Variants in PARD3B observed in about 807,000 individuals in gnomAD.
The protein encoded by PARD3B is partitioning defective 3 homolog B.
Under a neutral mutation model 130.2 loss-of-function variants are expected in PARD3B, and 103 were observed. That is an observed-to-expected ratio of 0.79 (90% CI 0.67 to 0.93). PARD3B has a LOEUF of 0.93. Ranked by LOEUF, PARD3B falls within the 40% of genes least tolerant of loss-of-function variation. The pLI is 0.00. For synonymous variants in PARD3B, 583 were observed against 553.2 expected (o/e 1.05, Z -0.76); for missense variants, 1,609 against 1,499.2 (o/e 1.07, Z -1.21).
intron 3 of PARD3B, among the ~76,000 whole-genome samples, chr2:205,041,698 T>A (rs542742295): frequency 1.3e-5 from 2 of 152,218 alleles, no homozygotes; most frequent in South Asian, 4.2e-4. Flanking sequence ...GCTGGCCTTC[T>A]GGTTATGCTC....
chr2:204,951,406 T>A (rs1297333631), intron 2 of PARD3B, among the ~76,000 whole-genome samples: 1 of 152,168 alleles, frequency 6.6e-6, no homozygotes, highest in Non-Finnish European at 1.5e-5. Flanking sequence ...GAACAGTACC[T>A]AAAATCGTCC....
Position 205,381,146 on chromosome 2 carries a change from T to TATATAATATATATAAAGAATATATA in PARD3B, c.2631-19862_2631-19861insATATATATAAAGAATATATAATATA, listed in dbSNP as rs1559035950. On this transcript the variant is annotated intron_variant, in intron 18 of 22. Transcript: ENST00000406610. The stretch of plus-strand genomic sequence containing the variant: ...TATATTATATATAAAGAATATATAA[T>TATATAATATATATAAAGAATATATA]ATATATAATATATATAAAGAATATA... Among the ~76,000 whole-genome samples, 14 of 27,880 alleles carry TATATAATATATATAAAGAATATATA rather than the reference T, an allele frequency of 5.0e-4. 1 individual carries two copies. In the East Asian group the frequency reaches 0.011, roughly 21 times the overall value. 18.3% of individuals were successfully genotyped at this position (27,880 alleles called of 152,430 possible). A position where few individuals can be genotyped will look rare whatever the true frequency, so the allele number is the denominator to read the frequency against.
At position 205,524,499 on chromosome 2, in the gene PARD3B, GA is replaced by G. The variant is rs1323777483; in HGVS notation, c.3180+24469del. 3.3e-5 allele frequency among the ~76,000 whole-genome samples: 5 copies of G among 152,168 alleles called. No homozygotes were observed. The East Asian group carries it at 9.6e-4, about 29-fold the overall frequency. ...TTTTGCTGAAATCACTGGATAAGGG[GA>G]GAGCTTTCTATGCCCTGACTTCTTT... On this transcript the variant is annotated intron_variant, in intron 21 of 22. Transcript: ENST00000406610.
intron 22 of PARD3B, among the ~76,000 whole-genome samples, chr2:205,581,213 G>C (rs1021990270): frequency 7.6e-6 from 1 of 131,930 alleles, no homozygotes; most frequent in Non-Finnish European, 1.7e-5. Flanking sequence ...AATGGATAAA[G>C]AGAATGTGGG....
At chr2:205,089,752 A>G (rs983816144) in intron 4 of PARD3B, among the ~76,000 whole-genome samples, 3 of 152,180 alleles carry the variant, frequency 2.0e-5, no homozygotes, top group South Asian at 2.1e-4. Flanking sequence ...TATCCAGTGG[A>G]TGTCCTAACC....
intron 21 of PARD3B, among the ~76,000 whole-genome samples, chr2:205,540,099 G>A (rs372529618): frequency 1.3e-4 from 20 of 152,094 alleles, no homozygotes; most frequent in East Asian, 9.6e-4. Context: ...GTGCGGCACC[G>A]TCATGCTACA....
rs1054796135 is a variant in PARD3B, at chr2:205,229,699, C to T, written c.2141-16079C>T. 5.3e-5 allele frequency among the ~76,000 whole-genome samples: 8 copies of T among 152,012 alleles called. No homozygotes were observed. Among genetic ancestry groups the T allele is most frequent in the Non-Finnish European group, 1.0e-4 (7 of 67,990 alleles). On this transcript the variant is annotated intron_variant, in intron 15 of 22. Transcript: ENST00000406610. The surrounding 1 kb of genome is among the most constrained non-coding windows in gnomAD (Gnocchi z 5.2). Reference sequence around the variant, plus strand: ...ACATTTGCTTAGGACACTAGAGCTCCGCAATAAGCAGGTGGTAAAGCCACC... The same window carrying T: ...ACATTTGCTTAGGACACTAGAGCTCTGCAATAAGCAGGTGGTAAAGCCACC...
intron 2 of PARD3B, among the ~76,000 whole-genome samples, chr2:204,728,612 ATT>A (rs11342651): frequency 6.6e-6 from 1 of 152,142 alleles, no homozygotes; most frequent in Non-Finnish European, 1.5e-5. Flanking sequence ...TGCTCACTTG[ATT>A]TTTTTCCTTT....
rs1156579624 is a variant in PARD3B at position 205,590,505 on chromosome 2, C to T, written c.3261-24951C>T. On this transcript the variant is annotated intron_variant, in intron 22 of 22. Transcript: ENST00000406610. The surrounding 1 kb of genome is among the most constrained non-coding windows in gnomAD (Gnocchi z 4.1). Reference sequence around the variant, plus strand: ...TTTTTAACCATACACAATCACTGTGCCCGAGGGGATGGAACGTTCTGATGA... The same window carrying T: ...TTTTTAACCATACACAATCACTGTGTCCGAGGGGATGGAACGTTCTGATGA... 1.3e-5 allele frequency among the ~76,000 whole-genome samples: 2 copies of T among 152,168 alleles called. No individual in the cohort carries two copies. The highest frequency in any genetic ancestry group is 1.3e-4 in the Admixed American group (2 of 15,284).
intron 20 of PARD3B, among the ~76,000 whole-genome samples, chr2:205,443,547 A>G (rs377680938): frequency 6.6e-6 from 1 of 152,222 alleles, no homozygotes; most frequent in Non-Finnish European, 1.5e-5. Context: ...TGCCTAAGCT[A>G]GTCAGGAAAG....
chr2:204,779,191 G>T (rs1247087606), intron 2 of PARD3B, among the ~76,000 whole-genome samples: 5 of 152,042 alleles, frequency 3.3e-5, no homozygotes, highest in Non-Finnish European at 7.4e-5. Context: ...TCATCCCCTG[G>T]ACCAGTCTTG....
intron 1 of PARD3B, among the ~76,000 whole-genome samples, chr2:204,549,678 T>C (rs1006337700): frequency 5.9e-5 from 9 of 152,138 alleles, no homozygotes; most frequent in African/African-American, 9.7e-5. Flanking sequence ...GCTGAACTCA[T>C]TGGATTTTAA....
chr2:204,759,008 C>T (rs974446643), intron 2 of PARD3B, among the ~76,000 whole-genome samples: 1 of 152,166 alleles, frequency 6.6e-6, no homozygotes, highest in Non-Finnish European at 1.5e-5. Context: ...GTCTGTGTCA[C>T]TTCAAATTAT....
At chr2:204,578,817 T>A (rs2032400234) in intron 1 of PARD3B, among the ~76,000 whole-genome samples, 1 of 152,086 alleles carries the variant, frequency 6.6e-6, no homozygotes, top group African/African-American at 2.4e-5. Flanking sequence ...CACTCTACTA[T>A]GGGAAGTTTT....
chr2:204,838,026 G>C (rs891881174), intron 2 of PARD3B, among the ~76,000 whole-genome samples: 1 of 139,380 alleles, frequency 7.2e-6, no homozygotes, highest in Non-Finnish European at 1.7e-5. Flanking sequence ...CAGTATAATG[G>C]GGGGAGAGAC....
At chr2:205,374,271 C>T (rs1349659223) in intron 18 of PARD3B, among the ~76,000 whole-genome samples, 2 of 151,806 alleles carry the variant, frequency 1.3e-5, no homozygotes, top group Admixed American at 6.6e-5. Context: ...GAATCTTTCT[C>T]GGTAGCCCAG....
chr2:205,232,576 T>C (rs955463891), intron 15 of PARD3B, among the ~76,000 whole-genome samples: 4 of 152,212 alleles, frequency 2.6e-5, no homozygotes, highest in African/African-American at 9.6e-5. Flanking sequence ...GGAAAAAAAT[T>C]AGTTAAAACC....
intron 19 of PARD3B, among the ~76,000 whole-genome samples, chr2:205,408,154 A>G (rs78014864): frequency 0.029 from 4,371 of 152,302 alleles, 196 homozygotes; most frequent in African/African-American, 0.099. Flanking sequence ...GAAGCCTTCC[A>G]AGAACTGCAG....
Position 205,562,926 on chromosome 2 carries a change from A to T in PARD3B, c.3260+9523A>T, listed in dbSNP as rs2053190367. ...TGCTGTGTATAGGTATCTTAGTATC[A>T]ACCTACTATAGACAGAGACATTATG... On this transcript the variant is annotated intron_variant, in intron 22 of 22. Coordinates refer to ENST00000406610, the MANE Select transcript of PARD3B (RefSeq NM_001302769.2). This position sits in a 1 kb window ranked among gnomAD's most constrained non-coding sequence, Gnocchi z 5.4. Among the ~76,000 whole-genome samples, 1 of 152,210 alleles carries T rather than the reference A, an allele frequency of 6.6e-6. No homozygotes were observed. The highest frequency in any genetic ancestry group is 1.5e-5 in the Non-Finnish European group (1 of 68,050).
Sources: allele counts gnomAD v4.1 joint callset (sites outside exome capture counted in the v4.1 genomes callset), GRCh38; gene constraint gnomAD v4.1.1; non-coding constraint Gnocchi (gnomAD v3.1); transcripts MANE v1.5; gene names NCBI Gene and HGNC (gene_info 2026-07-23, HGNC 2026-07-21).